ST3GAL1: variants seen among roughly 807,000 people sequenced by gnomAD.
ST3GAL1 encodes the protein ST3 beta-galactoside alpha-2,3-sialyltransferase 1, also known as CMP-N-acetylneuraminate-beta-galactosamide-alpha-2,3-sialyltransferase 1.
In ST3GAL1, 16 loss-of-function variants were observed where a neutral mutation model predicts 34.1. The observed-to-expected ratio is 0.47, with a 90% CI of 0.32 to 0.71. The LOEUF (loss-of-function observed/expected upper bound fraction) is 0.71. Among genes scored for constraint, ST3GAL1 ranks in the 30% least tolerant of loss-of-function variants. ST3GAL1 has a pLI of 0.04. For missense variants in ST3GAL1, 353 were observed against 447.4 expected, an observed-to-expected ratio of 0.79 and a Z score of 1.90; for synonymous variants, 191 against 184.7, an observed-to-expected ratio of 1.03 and a Z score of -0.28.
chr8:133,463,970 C>T (rs776054932), intron 7 of ST3GAL1, among the ~76,000 whole-genome samples: 5 of 151,894 alleles, frequency 3.3e-5, no homozygotes, highest in Admixed American at 1.3e-4. Flanking sequence ...CACCCCACCC[C>T]GCCCCGGTCT....
At chr8:133,565,663 T>G (rs1819373776) in intron 1 of ST3GAL1, among the ~76,000 whole-genome samples, 1 of 152,242 alleles carries the variant, frequency 6.6e-6, no homozygotes, top group South Asian at 2.1e-4. Flanking sequence ...AAGTAGATGC[T>G]ACTAAAATTC....
At chr8:133,530,066 C>T (rs543057428) in intron 2 of ST3GAL1, among the ~76,000 whole-genome samples, 1 of 152,284 alleles carries the variant, frequency 6.6e-6, no homozygotes, top group East Asian at 1.9e-4. Flanking sequence ...ATGGAAGTGT[C>T]CCCAGGGCTC....
chr8:133,491,146 A>T (rs1816771865), intron 3 of ST3GAL1, among the ~76,000 whole-genome samples: 1 of 152,184 alleles, frequency 6.6e-6, no homozygotes, highest in African/African-American at 2.4e-5. Context: ...GAGAAACACG[A>T]TTAACCAGGA....
chr8:133,494,913 CTTTTTTTTTTTTT>C lies in ST3GAL1; in HGVS notation c.-374+4209_-374+4221del, dbSNP rs34975583. Among the ~76,000 whole-genome samples the C allele has an allele frequency of 3.0e-5, 3 of 100,720 alleles. No homozygotes were observed. The South Asian group carries it at 1.1e-3, about 36-fold the overall frequency. The allele number at this position is 100,720 out of a possible 152,430, so 66.1% of individuals were successfully genotyped here. Reference sequence around the variant, plus strand: ...TCGGCCTCTGCGTTTTTCCTCTATTCTTTTTTTTTTTTTTTTTTTTTTTGAGACAGAGTCTCGC... The same window carrying C: ...TCGGCCTCTGCGTTTTTCCTCTATTCTTTTTTTTTTGAGACAGAGTCTCGC... On this transcript the variant is annotated intron_variant, in intron 3 of 9. Transcript: ENST00000522652.
chr8:133,566,412 G>A (rs551385104), intron 1 of ST3GAL1, among the ~76,000 whole-genome samples: 2 of 152,280 alleles, frequency 1.3e-5, no homozygotes, highest in South Asian at 2.1e-4. Flanking sequence ...TGAGGAATGC[G>A]ATCACTTTCT....
At chr8:133,524,036 G>A (rs1240967558) in intron 2 of ST3GAL1, among the ~76,000 whole-genome samples, 1 of 152,144 alleles carries the variant, frequency 6.6e-6, no homozygotes, top group Non-Finnish European at 1.5e-5. Context: ...GTGACCCACA[G>A]ACCTATGAAA....
chr8:133,496,928 G>C (rs1005073685), intron 3 of ST3GAL1, among the ~76,000 whole-genome samples: 1 of 152,186 alleles, frequency 6.6e-6, no homozygotes, highest in Non-Finnish European at 1.5e-5. Flanking sequence ...AATAAAAACA[G>C]AAAACAAAGT....
At chr8:133,511,620 T>G (rs565640778) in intron 2 of ST3GAL1, among the ~76,000 whole-genome samples, 1 of 152,316 alleles carries the variant, frequency 6.6e-6, no homozygotes, top group South Asian at 2.1e-4. Flanking sequence ...TCCGGAGTGA[T>G]GCCAACGTGC....
At chr8:133,540,054 G>A (rs1336971725) in intron 2 of ST3GAL1, among the ~76,000 whole-genome samples, 2 of 152,134 alleles carry the variant, frequency 1.3e-5, no homozygotes, top group Non-Finnish European at 2.9e-5. Context: ...TGAACAAGAA[G>A]AAAGGAAAAA....
At chr8:133,540,526 C>A (rs570654465) in intron 2 of ST3GAL1, among the ~76,000 whole-genome samples, 14 of 152,144 alleles carry the variant, frequency 9.2e-5, no homozygotes, top group African/African-American at 2.9e-4. Flanking sequence ...CTGAATCAGT[C>A]CCTGTGTATC....
At position 133,467,095 on chromosome 8, in the gene ST3GAL1, G is replaced by GA. The variant is rs1185485849; in HGVS notation, c.307-1006dup. Among the ~76,000 whole-genome samples, 4,990 of 119,884 alleles carry GA rather than the reference G, an allele frequency of 0.042. 157 individuals are homozygous for GA. The highest frequency in any genetic ancestry group is 0.14 in the Admixed American group (1,703 of 11,890). The allele number at this position is 119,884 out of a possible 152,430, so 78.6% of individuals were successfully genotyped here. A position where few individuals can be genotyped will look rare whatever the true frequency, so the allele number is the denominator to read the frequency against. On this transcript the variant is annotated intron_variant, in intron 5 of 9. Coordinates refer to ENST00000522652, the MANE Select transcript of ST3GAL1 (RefSeq NM_173344.3). The surrounding 1 kb of genome is among the most constrained non-coding windows in gnomAD (Gnocchi z 4.2). ...GGGTGACAGAGCGAGACTCCAACTC[G>GA]AAAAAAAAAAAAAAAAGACCTAGCT...
chr8:133,538,501 C>T (rs55936234), intron 2 of ST3GAL1, among the ~76,000 whole-genome samples: 16,315 of 152,084 alleles, frequency 0.11, 1,011 homozygotes, highest in African/African-American at 0.15. Context: ...GGCGACAGAG[C>T]GAGACTCCAT....
At chr8:133,521,679 T>C in intron 2 of ST3GAL1, among the ~76,000 whole-genome samples, 2 of 152,368 alleles carry the variant, frequency 1.3e-5, no homozygotes, top group South Asian at 4.1e-4. Flanking sequence ...TAAACCATGA[T>C]ATGTTAAAAT....
At chr8:133,521,376 G>A (rs977032381) in intron 2 of ST3GAL1, among the ~76,000 whole-genome samples, 4 of 152,112 alleles carry the variant, frequency 2.6e-5, no homozygotes, top group Admixed American at 6.5e-5. Flanking sequence ...TCCGCTCACT[G>A]TAACCTCCAT....
At chr8:133,485,446 G>A (rs923917474) in intron 3 of ST3GAL1, among the ~76,000 whole-genome samples, 1 of 152,226 alleles carries the variant, frequency 6.6e-6, no homozygotes, top group Non-Finnish European at 1.5e-5. Flanking sequence ...AAGCATTGCA[G>A]CCCAAACCCT....
Position 133,541,110 on chromosome 8 carries a change from T to TAGAG in ST3GAL1, c.-429+4663_-429+4664insCTCT, listed in dbSNP as rs1488410302. Among the ~76,000 whole-genome samples the TAGAG allele has an allele frequency of 3.5e-3, 148 of 42,016 alleles. 14 individuals carry two copies. The highest frequency in any genetic ancestry group is 0.014 in the East Asian group (31 of 2,246). 27.6% of individuals were successfully genotyped at this position (42,016 alleles called of 152,430 possible). The stretch of plus-strand genomic sequence containing the variant: ...ATATATATAAACATATATATATATA[T>TAGAG]ATATATATATAGAGAGAGAGAGAGA... On this transcript the variant is annotated intron_variant, in intron 2 of 9. Transcript: ENST00000522652.
At chr8:133,462,127 G>A in intron 8 of ST3GAL1, 133 bp from the exon 9 acceptor site, 1 of 1,329,584 alleles carries the variant, frequency 7.5e-7, no homozygotes, top group South Asian at 1.4e-5. Flanking sequence ...GCACTTGTGG[G>A]CTTCCATGCT....
At chr8:133,529,733 C>G (rs567210414) in intron 2 of ST3GAL1, among the ~76,000 whole-genome samples, 2 of 152,198 alleles carry the variant, frequency 1.3e-5, no homozygotes, top group Non-Finnish European at 2.9e-5. Context: ...TGCCCACTAG[C>G]CCCTCATGCA....
At chr8:133,534,920 T>C (rs1818265262) in intron 2 of ST3GAL1, among the ~76,000 whole-genome samples, 1 of 151,992 alleles carries the variant, frequency 6.6e-6, no homozygotes, top group Non-Finnish European at 1.5e-5. Flanking sequence ...AAGCATAGGC[T>C]ACCACCGCTC....
Sources: gnomAD v4.1 joint callset for allele counts (sites outside exome capture counted in the v4.1 genomes callset) on GRCh38, gnomAD v4.1.1 for gene constraint, Gnocchi (gnomAD v3.1) non-coding constraint, MANE v1.5 for transcripts, NCBI Gene and HGNC (gene_info 2026-07-23, HGNC 2026-07-21) for gene names.